The following IL22RA1 variants were observed in gnomAD, a reference collection of about 807,000 sequenced individuals.
The protein encoded by IL22RA1 is interleukin 22 receptor subunit alpha 1, also known as interleukin-22 receptor subunit alpha-1.
Under a neutral mutation model 32.8 loss-of-function variants are expected in IL22RA1, and 25 were observed. The ratio of observed to expected loss-of-function variants is 0.76; its 90% confidence interval spans 0.55 to 1.06. The LOEUF is 1.06. Ranked by LOEUF, IL22RA1 falls within the 50% of genes least tolerant of loss-of-function variation. The probability of loss-of-function intolerance (pLI) is 0.00; values close to 1 mark genes in which losing one functional copy is unlikely to be tolerated. For synonymous variants in IL22RA1, 305 were observed against 305.0 expected (o/e 1.00, Z 0.00); for missense variants, 709 against 727.4 (o/e 0.97, Z 0.29).
chr1:24,121,742 G>A lies in IL22RA1; in HGVS notation c.793-5C>T, dbSNP rs1257566878. 3 of 1,498,580 alleles carry A rather than the reference G, an allele frequency of 2.0e-6. No individual in the cohort carries two copies. The highest frequency in any genetic ancestry group is 2.7e-6 in the Non-Finnish European group (3 of 1,118,572). The allele number at this position is 1,498,580 out of a possible 1,614,324, so 92.8% of individuals were successfully genotyped here. A position where few individuals can be genotyped will look rare whatever the true frequency, so the allele number is the denominator to read the frequency against. ...AGTCAGGACTCGCTGGACGTTCTGT[G>A]CAGGGACGACAACAGTCACCCCCCT... On this transcript the variant is annotated splice_polypyrimidine_tract_variant and splice_region_variant and intron_variant, in intron 6 of 6. Coordinates refer to ENST00000270800, the MANE Select transcript of IL22RA1 (RefSeq NM_021258.4).
chr1:24,121,792 C>A, intron 6 of IL22RA1, 55 bp from the exon 7 acceptor site: 5 of 1,371,796 alleles, frequency 3.6e-6, no homozygotes, highest in Non-Finnish European at 3.8e-6. Context: ...TCCCAAGCTC[C>A]CTACTGGTGA....
intron 4 of IL22RA1, among the ~76,000 whole-genome samples, chr1:24,128,896 C>T (rs77177740): frequency 2.6e-5 from 4 of 152,108 alleles, no homozygotes; most frequent in African/African-American, 9.7e-5. Flanking sequence ...ATGGCCTCAC[C>T]CATATTTACA....
intron 4 of IL22RA1, among the ~76,000 whole-genome samples, chr1:24,131,912 G>A (rs555535599): frequency 7.2e-5 from 11 of 152,134 alleles, no homozygotes; most frequent in Admixed American, 2.0e-4. Context: ...ATCATACAGC[G>A]TGTGTTCTCT....
At chr1:24,124,671 C>T (rs1391231321) in intron 5 of IL22RA1, among the ~76,000 whole-genome samples, 1 of 152,048 alleles carries the variant, frequency 6.6e-6, no homozygotes, top group Non-Finnish European at 1.5e-5. Flanking sequence ...CCAATGACCT[C>T]GGCGATCACT....
Position 24,123,203 on chromosome 1 carries a change from G to A in IL22RA1, c.792+99C>T, listed in dbSNP as rs547547723. ...AATGGAGAGAGCAGGCCCATCTCCT[G>A]CTTTGTCTGTGGATCCCTGCATTTT... On this transcript the variant is annotated intron_variant, in intron 6 of 6. Coordinates refer to ENST00000270800, the MANE Select transcript of IL22RA1 (RefSeq NM_021258.4). The A allele has an allele frequency of 2.6e-3, 3,892 of 1,485,330 alleles. 7 individuals carry two copies. Among genetic ancestry groups the A allele is most frequent in the Non-Finnish European group, 3.3e-3 (3,665 of 1,116,336 alleles). 92.0% of individuals were successfully genotyped at this position (1,485,330 alleles called of 1,614,324 possible). A position where few individuals can be genotyped will look rare whatever the true frequency, so the allele number is the denominator to read the frequency against.
At chr1:24,125,387 A>G (rs1057040327) in intron 5 of IL22RA1, among the ~76,000 whole-genome samples, 13 of 152,124 alleles carry the variant, frequency 8.5e-5, no homozygotes, top group Admixed American at 7.9e-4. Context: ...TAAGAGTAGG[A>G]TATGAGGTGA....
intron 5 of IL22RA1, among the ~76,000 whole-genome samples, chr1:24,127,327 T>C (rs1020875085): frequency 7.9e-5 from 12 of 151,934 alleles, no homozygotes; most frequent in Non-Finnish European, 1.5e-4. Flanking sequence ...TTTTTTTTTT[T>C]CCGAGACAAG....
At position 24,120,629 on chromosome 1, in the gene IL22RA1, C is replaced by T. The variant is rs535928842; in HGVS notation, c.*176G>A. 2.3e-5 allele frequency: 14 copies of T among 619,004 alleles called. No individual in the cohort carries two copies. In the South Asian group the frequency reaches 2.9e-4, roughly 13 times the overall value. 38.3% of individuals were successfully genotyped at this position (619,004 alleles called of 1,614,324 possible). A position where few individuals can be genotyped will look rare whatever the true frequency, so the allele number is the denominator to read the frequency against. ...CAGTCCTTATCATGCTGCTTTGCTC[C>T]GGTGAGGAGCGCACCCATGGCAGGG... On this transcript the variant is annotated 3_prime_UTR_variant, in exon 7 of 7. Transcript: ENST00000270800.
chr1:24,125,955 A>G (rs570818155), intron 5 of IL22RA1, among the ~76,000 whole-genome samples: 4 of 152,350 alleles, frequency 2.6e-5, no homozygotes, highest in East Asian at 1.9e-4. Flanking sequence ...TATAAAAGCT[A>G]TAGTCTTAGG....
chr1:24,140,312 A>G (rs978246088), intron 1 of IL22RA1, among the ~76,000 whole-genome samples: 45 of 152,284 alleles, frequency 3.0e-4, no homozygotes, highest in Admixed American at 2.8e-3. Context: ...GGCGTCTGTG[A>G]ATGTGTTTAG....
chr1:24,127,461 G>A (rs1644173648), intron 5 of IL22RA1, among the ~76,000 whole-genome samples: 1 of 152,092 alleles, frequency 6.6e-6, no homozygotes, highest in African/African-American at 2.4e-5. Flanking sequence ...ACAGATGCAC[G>A]CCACCATACC....
Position 24,123,350 on chromosome 1 carries a change from G to A in IL22RA1, c.744C>T (p.Tyr248=), listed in dbSNP as rs1388026626. 3.7e-6 allele frequency: 6 copies of A among 1,614,048 alleles called. No individual in the cohort carries two copies. Among genetic ancestry groups the A allele is most frequent in the Non-Finnish European group, 5.1e-6 (6 of 1,180,038 alleles). ...SMGFLVAVLC[Y]LSYRYVTKPP... ...GCTTGGTGACATATCTGTAGCTCAG[G>A]TAGCAGAGTACTGCGACGAGGAAGC... The change falls in exon 6 of 7, where the codon TAC becomes TAT. Residue 248 remains tyrosine, a synonymous_variant. Coordinates refer to ENST00000270800, the MANE Select transcript of IL22RA1 (RefSeq NM_021258.4).
At chr1:24,137,427 C>T (rs1355330604) in intron 2 of IL22RA1, 118 bp from the exon 3 acceptor site, 3 of 817,024 alleles carry the variant, frequency 3.7e-6, no homozygotes, top group African/African-American at 3.4e-5. Context: ...GTGGCCCAGG[C>T]CCTTTATGCG....
intron 1 of IL22RA1, among the ~76,000 whole-genome samples, chr1:24,142,200 G>A (rs1644286333): frequency 3.9e-5 from 6 of 152,220 alleles, no homozygotes; most frequent in South Asian, 2.1e-4. Flanking sequence ...CAGCCCTGGC[G>A]GGACAGTGGC....
chr1:24,138,186 A>T (rs1270497369), intron 2 of IL22RA1, among the ~76,000 whole-genome samples: 1 of 152,172 alleles, frequency 6.6e-6, no homozygotes, highest in African/African-American at 2.4e-5. Context: ...CTCACTAATA[A>T]TAATAAAACA....
chr1:24,134,220 G>A lies in IL22RA1; in HGVS notation c.522C>T (p.Thr174=), dbSNP rs1054048535. The A allele has an allele frequency of 1.2e-6, 2 of 1,610,566 alleles. No homozygotes were observed. The highest frequency in any genetic ancestry group is 1.7e-6 in the Non-Finnish European group (2 of 1,178,398). ...TGCAACATACACTCACCATTTGGTA[G>A]GTGCGGTTGACCTGGAGCTCTAAGT... ...FYHLELQVNR[T]YQMHLGGKQR... Residue 174 remains threonine, a synonymous_variant, in exon 4 of 7, where the codon ACC becomes ACT. Transcript: ENST00000270800.
At position 24,120,748 on chromosome 1, in the gene IL22RA1, C is replaced by G; in HGVS notation, c.*57G>C. ...CGTGGGCAGGCATGGGATTGACAGC[C>G]AAGGATGTGACACTGGGTAGGGACA... On this transcript the variant is annotated 3_prime_UTR_variant, in exon 7 of 7. Transcript: ENST00000270800. 1 of 1,480,156 alleles carries G rather than the reference C, an allele frequency of 6.8e-7. No homozygotes were observed. Among genetic ancestry groups the G allele is most frequent in the Non-Finnish European group, 9.1e-7 (1 of 1,094,268 alleles). The allele number at this position is 1,480,156 out of a possible 1,614,324, so 91.7% of individuals were successfully genotyped here.
intron 3 of IL22RA1, among the ~76,000 whole-genome samples, chr1:24,135,272 G>A (rs1238906743): frequency 6.6e-6 from 1 of 152,112 alleles, no homozygotes; most frequent in Non-Finnish European, 1.5e-5. Flanking sequence ...AGACAAAAAA[G>A]CAATGCCAGA....
Position 24,137,225 on chromosome 1 carries a change from GTTGCCCGTCTCCA to G in IL22RA1, c.248_260del (p.Val83AlafsTer23). The G allele has an allele frequency of 6.2e-7, 1 of 1,614,086 alleles. No individual in the cohort carries two copies. Reference sequence around the variant, plus strand: ...CCCTGGCATAGTAGAGCTCCGTGAGGTTGCCCGTCTCCACCGTCAGGTTGCAGGACTTCCGGGT... The same window carrying G: ...CCCTGGCATAGTAGAGCTCCGTGAGGCCGTCAGGTTGCAGGACTTCCGGGT... On this transcript the variant is annotated frameshift_variant, in exon 3 of 7. Coordinates refer to ENST00000270800, the MANE Select transcript of IL22RA1 (RefSeq NM_021258.4). LOFTEE classifies it high-confidence loss of function.
Sources: allele counts gnomAD v4.1 joint callset (sites outside exome capture counted in the v4.1 genomes callset), GRCh38; gene constraint gnomAD v4.1.1; transcripts MANE v1.5; gene names NCBI Gene and HGNC (gene_info 2026-07-23, HGNC 2026-07-21).